The following TMEM170B variants were observed in gnomAD, a reference collection of about 807,000 sequenced individuals.
The protein encoded by TMEM170B is transmembrane protein 170B.
A neutral mutation model predicts 13.0 loss-of-function variants in TMEM170B; 6 were observed. That is an observed-to-expected ratio of 0.46 (90% CI 0.25 to 0.91). The LOEUF (loss-of-function observed/expected upper bound fraction) is 0.91. TMEM170B is among the 40% of genes least tolerant of loss of function. The pLI is 0.17. For missense variants in TMEM170B, 138 were observed against 165.2 expected, an observed-to-expected ratio of 0.84 and a Z score of 0.90; for synonymous variants, 61 against 64.9, an observed-to-expected ratio of 0.94 and a Z score of 0.29.
Position 11,538,288 on chromosome 6 carries a change from A to AG in TMEM170B, c.17dup (p.Asp7ArgfsTer59), listed in dbSNP as rs1372038066. On this transcript the variant is annotated frameshift_variant, in exon 1 of 3. Coordinates refer to ENST00000379426, the MANE Select transcript of TMEM170B (RefSeq NM_001100829.3). LOFTEE classifies it high-confidence loss of function. ...CGCCCCTCGGGGAAGATGAAGGCGG[A>AG]GGGGGGCGACCACTCCATGATCAAC... 4 of 1,412,550 alleles carry AG rather than the reference A, an allele frequency of 2.8e-6. No homozygotes were observed. Among genetic ancestry groups the AG allele is most frequent in the South Asian group, 3.2e-5 (2 of 62,870 alleles). The allele number at this position is 1,412,550 out of a possible 1,614,324, so 87.5% of individuals were successfully genotyped here. A position where few individuals can be genotyped will look rare whatever the true frequency, so the allele number is the denominator to read the frequency against.
chr6:11,545,286 G>C (rs1182408442), intron 1 of TMEM170B, among the ~76,000 whole-genome samples: 19 of 142,096 alleles, frequency 1.3e-4, no homozygotes, highest in East Asian at 9.2e-4. Flanking sequence ...CTCTCTGTGT[G>C]TGTGTGTGTG....
intron 1 of TMEM170B, among the ~76,000 whole-genome samples, chr6:11,548,811 A>G (rs926914218): frequency 1.3e-5 from 2 of 151,986 alleles, no homozygotes; most frequent in East Asian, 3.9e-4. Flanking sequence ...TTCTGAGCAA[A>G]CTGTCGCAAG....
intron 1 of TMEM170B, among the ~76,000 whole-genome samples, chr6:11,541,344 G>A (rs574525331): frequency 6.6e-6 from 1 of 152,306 alleles, no homozygotes; most frequent in African/African-American, 2.4e-5. Context: ...TGGATAATTT[G>A]TGCTTCTACA....
intron 1 of TMEM170B, among the ~76,000 whole-genome samples, chr6:11,554,459 A>AT (rs1759563329): frequency 6.6e-6 from 1 of 152,082 alleles, no homozygotes; most frequent in East Asian, 1.9e-4. Context: ...TTACTCAGTT[A>AT]ATCAGTTATG....
chr6:11,550,040 G>A (rs147620393), intron 1 of TMEM170B, among the ~76,000 whole-genome samples: 2 of 152,140 alleles, frequency 1.3e-5, no homozygotes, highest in East Asian at 3.9e-4. Context: ...GTCTCGCTGT[G>A]TTGCCCAGGC....
Position 11,575,193 on chromosome 6 carries a change from A to G in TMEM170B, c.269-238A>G, listed in dbSNP as rs2113785188. 6.6e-6 allele frequency among the ~76,000 whole-genome samples: 1 copy of G among 152,236 alleles called. No homozygotes were observed. The highest frequency in any genetic ancestry group is 1.5e-5 in the Non-Finnish European group (1 of 68,004). ...CTATCAAGTATGCAGCATATACCATAAATATATATCTTTTGGTTGAATAGA... is the reference window on the plus strand; with the variant it reads ...CTATCAAGTATGCAGCATATACCATGAATATATATCTTTTGGTTGAATAGA... On this transcript the variant is annotated intron_variant, in intron 2 of 2. Coordinates refer to ENST00000379426, the MANE Select transcript of TMEM170B (RefSeq NM_001100829.3). The surrounding 1 kb of genome is among the most constrained non-coding windows in gnomAD (Gnocchi z 4.1).
intron 1 of TMEM170B, among the ~76,000 whole-genome samples, chr6:11,545,500 T>C (rs1392981710): frequency 6.6e-6 from 1 of 152,034 alleles, no homozygotes; most frequent in Admixed American, 6.6e-5. Context: ...ATAATGGAGC[T>C]AAAAAAATTC....
At position 11,538,330 on chromosome 6, in the gene TMEM170B, T is replaced by A. The variant is rs765711164; in HGVS notation, c.53T>A (p.Val18Asp). The A allele has an allele frequency of 6.6e-7, 1 of 1,507,940 alleles. No individual in the cohort carries two copies. The allele number at this position is 1,507,940 out of a possible 1,614,324, so 93.4% of individuals were successfully genotyped here. ...ATGATCAACCTGTCGGTGCAGCAGG[T>A]CCTGAGCCTCTGGGCCCACGGGACG... ...HSMINLSVQQVLSLWAHGTVL... is the reference protein window; with the variant it reads ...HSMINLSVQQDLSLWAHGTVL... Residue 18 changes from valine (V) to aspartate (D), a missense_variant, in exon 1 of 3, where the codon GTC (valine) becomes GAC (aspartate). Physicochemically the swap from Val to Asp is radical, Grantham distance 152. Transcript: ENST00000379426.
intron 2 of TMEM170B, among the ~76,000 whole-genome samples, chr6:11,566,807 A>G (rs962171543): frequency 8.5e-5 from 13 of 152,096 alleles, no homozygotes; most frequent in African/African-American, 3.1e-4. Context: ...TCCTCTTTAC[A>G]CTTGGGAGGC....
intron 1 of TMEM170B, among the ~76,000 whole-genome samples, chr6:11,541,088 G>A (rs914649752): frequency 1.3e-5 from 2 of 152,074 alleles, no homozygotes; most frequent in African/African-American, 4.8e-5. Flanking sequence ...AGCACAGCCA[G>A]GGTAGATTTA....
intron 1 of TMEM170B, among the ~76,000 whole-genome samples, chr6:11,539,166 T>C (rs2113758472): frequency 6.6e-6 from 1 of 152,382 alleles, no homozygotes; most frequent in Admixed American, 6.5e-5. Flanking sequence ...AAGAAACTTC[T>C]GGTTTTGTTA....
At chr6:11,565,512 T>C (rs1381234903) in intron 1 of TMEM170B, among the ~76,000 whole-genome samples, 154 bp from the exon 2 acceptor site, 2 of 152,232 alleles carry the variant, frequency 1.3e-5, no homozygotes, top group Non-Finnish European at 2.9e-5. Context: ...AAACTTATAA[T>C]GTATTCAGTG....
chr6:11,575,652 G>A lies in TMEM170B; in HGVS notation c.*91G>A. On this transcript the variant is annotated 3_prime_UTR_variant, in exon 3 of 3. Transcript: ENST00000379426. This position sits in a 1 kb window ranked among gnomAD's most constrained non-coding sequence, Gnocchi z 4.1. ...TGTTAACAAGTGGAAATGAAATTGT[G>A]CAAGAATGTGGACTGAGCAGGTCAA... 1.3e-6 allele frequency: 2 copies of A among 1,503,222 alleles called. No homozygotes were observed. Among genetic ancestry groups the A allele is most frequent in the Non-Finnish European group, 1.8e-6 (2 of 1,091,054 alleles). 93.1% of individuals were successfully genotyped at this position (1,503,222 alleles called of 1,614,324 possible).
At chr6:11,550,017 A>G (rs1759503157) in intron 1 of TMEM170B, among the ~76,000 whole-genome samples, 1 of 151,998 alleles carries the variant, frequency 6.6e-6, no homozygotes. Flanking sequence ...AACTTTTTAT[A>G]AATAAAGACG....
rs111556696 is a variant in TMEM170B, at chr6:11,549,662, C to CAA, written c.97+11300_97+11301dup. ...TGGGCGACAGAGCGAGACTCCGTCT[C>CAA]AAAAAAAAAAAAAGAAAAAAGAGGC... On this transcript the variant is annotated intron_variant, in intron 1 of 2. Transcript: ENST00000379426. Among the ~76,000 whole-genome samples the CAA allele has an allele frequency of 7.2e-3, 791 of 109,264 alleles. 8 individuals carry two copies. Among genetic ancestry groups the CAA allele is most frequent in the Non-Finnish European group, 0.01 (527 of 52,618 alleles). 71.7% of individuals were successfully genotyped at this position (109,264 alleles called of 152,430 possible).
intron 1 of TMEM170B, among the ~76,000 whole-genome samples, chr6:11,544,291 G>A (rs1223794772): frequency 6.6e-6 from 1 of 152,152 alleles, no homozygotes; most frequent in African/African-American, 2.4e-5. Context: ...GAACATTTCA[G>A]ATTTCGGATT....
intron 1 of TMEM170B, among the ~76,000 whole-genome samples, chr6:11,559,891 G>A (rs948206854): frequency 1.5e-4 from 23 of 151,928 alleles, no homozygotes; most frequent in African/African-American, 5.3e-4. Context: ...AATGTTTAGT[G>A]CATAGTAAGT....
rs765135224 is a variant in TMEM170B, at chr6:11,581,486, C to T, written c.*5925C>T. ...TGTACTGCACCCACATGTATCTACT[C>T]TTGGTAGTAACATGACTCCACCCTT... On this transcript the variant is annotated 3_prime_UTR_variant, in exon 3 of 3. Transcript: ENST00000379426. 6.6e-6 allele frequency: 1 copy of T among 152,174 alleles called. No homozygotes were observed. Among genetic ancestry groups the T allele is most frequent in the African/African-American group, 2.4e-5 (1 of 41,418 alleles). 9.4% of individuals were successfully genotyped at this position (152,174 alleles called of 1,614,324 possible).
intron 2 of TMEM170B, among the ~76,000 whole-genome samples, chr6:11,572,603 A>T (rs996790163): frequency 2.0e-5 from 3 of 152,268 alleles, no homozygotes; most frequent in African/African-American, 7.2e-5. Flanking sequence ...GAGTTTAAAA[A>T]TTTTATTACG....
Sources: allele counts gnomAD v4.1 joint callset (sites outside exome capture counted in the v4.1 genomes callset), GRCh38; gene constraint gnomAD v4.1.1; non-coding constraint Gnocchi (gnomAD v3.1); transcripts MANE v1.5; gene names NCBI Gene and HGNC (gene_info 2026-07-23, HGNC 2026-07-21).